Variants in TXNDC16 observed in about 807,000 individuals in gnomAD.
TXNDC16 encodes the protein thioredoxin domain-containing protein 16.
TXNDC16 carries 74 observed loss-of-function variants against 85.6 expected under a neutral mutation model. The observed-to-expected ratio is 0.86, with a 90% confidence interval of 0.72 to 1.05. The LOEUF (loss-of-function observed/expected upper bound fraction) is 1.05. TXNDC16 is among the 50% of genes least tolerant of loss of function. The pLI, the probability that TXNDC16 is intolerant of heterozygous loss-of-function variation, is 0.00. For synonymous variants in TXNDC16, 335 were observed against 326.5 expected (o/e 1.03, Z -0.28); for missense variants, 959 against 947.0 (o/e 1.01, Z -0.17).
chr14:52,544,908 A>T (rs1234698009), intron 1 of TXNDC16, among the ~76,000 whole-genome samples: 2 of 152,142 alleles, frequency 1.3e-5, no homozygotes, highest in Non-Finnish European at 2.9e-5. Context: ...GGTATCATTG[A>T]CATTAAAATT....
intron 18 of TXNDC16, among the ~76,000 whole-genome samples, chr14:52,451,985 T>C (rs2035422904): frequency 6.6e-6 from 1 of 152,124 alleles, no homozygotes; most frequent in African/African-American, 2.4e-5. Flanking sequence ...ACAAATTCAG[T>C]AAAGTTGCAA....
chr14:52,548,671 C>T (rs2037987463), intron 1 of TXNDC16, among the ~76,000 whole-genome samples: 2 of 152,104 alleles, frequency 1.3e-5, no homozygotes, highest in Admixed American at 1.3e-4. Flanking sequence ...CACCTGAGGT[C>T]AGGAGTTCGA....
intron 12 of TXNDC16, among the ~76,000 whole-genome samples, chr14:52,486,284 T>TC (rs1174654836): frequency 1.4e-5 from 2 of 147,020 alleles, no homozygotes; most frequent in East Asian, 3.9e-4. Context: ...CATGCTGCTT[T>TC]TTTTTTTTTT....
Position 52,537,670 on chromosome 14 carries a change from A to T in TXNDC16, c.246T>A (p.Val82=). Residue 82 remains valine, a splice_region_variant and synonymous_variant, in exon 5 of 21, where the codon GTT becomes GTA. Transcript: ENST00000281741. The stretch of plus-strand genomic sequence containing the variant: ...TTGATATTTCTTCTTTGACACAATT[A>T]ACCTTTAAAAGAGTATACTTAAGTT... The part of the protein sequence containing the change: ...LQDYGISVAK[V]NCVKEEISRY... The T allele has an allele frequency of 1.3e-6, 2 of 1,563,076 alleles. No individual in the cohort carries two copies. Among genetic ancestry groups the T allele is most frequent in the Non-Finnish European group, 1.8e-6 (2 of 1,136,846 alleles).
chr14:52,472,614 T>G (rs757749539), intron 14 of TXNDC16, among the ~76,000 whole-genome samples: 6 of 152,206 alleles, frequency 3.9e-5, no homozygotes, highest in Non-Finnish European at 7.3e-5. Context: ...TTTAAATTCT[T>G]ACATTAAAGG....
At chr14:52,440,829 A>C in intron 18 of TXNDC16, 105 bp from the exon 19 acceptor site, 2 of 1,040,574 alleles carry the variant, frequency 1.9e-6, no homozygotes, top group Non-Finnish European at 2.7e-6. Flanking sequence ...TGTAAAATGT[A>C]ATTCAAACAC....
chr14:52,543,711 A>C lies in TXNDC16; in HGVS notation c.-73-81T>G. On this transcript the variant is annotated intron_variant, in intron 2 of 20. Coordinates refer to ENST00000281741, the MANE Select transcript of TXNDC16 (RefSeq NM_020784.3). ...GAATGAAGTAAAATCTACAAAAAGA[A>C]AGTCATTAGTCACATCATTTGATTT... The C allele has an allele frequency of 2.4e-6, 2 of 825,512 alleles. 1 individual carries two copies. The highest frequency in any genetic ancestry group is 4.7e-4 in the Middle Eastern group (2 of 4,240). 51.1% of individuals were successfully genotyped at this position (825,512 alleles called of 1,614,324 possible). A position where few individuals can be genotyped will look rare whatever the true frequency, so the allele number is the denominator to read the frequency against.
At chr14:52,529,336 G>C (rs370251071) in intron 6 of TXNDC16, among the ~76,000 whole-genome samples, 2 of 150,526 alleles carry the variant, frequency 1.3e-5, no homozygotes, top group South Asian at 2.1e-4. Flanking sequence ...GTGGGAGGAG[G>C]GGGGAGGGAT....
chr14:52,435,849 C>A (rs569939411), intron 20 of TXNDC16, among the ~76,000 whole-genome samples: 1 of 151,848 alleles, frequency 6.6e-6, no homozygotes, highest in Admixed American at 6.6e-5. Flanking sequence ...CTTGGTGGTG[C>A]ATGCATGTAG....
Position 52,432,252 on chromosome 14 carries a change from T to G in TXNDC16, c.*52A>C. 6.8e-7 allele frequency: 1 copy of G among 1,474,400 alleles called. No individual in the cohort carries two copies. Among genetic ancestry groups the G allele is most frequent in the African/African-American group, 1.4e-5 (1 of 70,770 alleles). The allele number at this position is 1,474,400 out of a possible 1,614,324, so 91.3% of individuals were successfully genotyped here. A position where few individuals can be genotyped will look rare whatever the true frequency, so the allele number is the denominator to read the frequency against. ...GATTTAATATTATTCTTTAAGGAAA[T>G]AAATTAAGTCTATCATGCCAAAAAA... On this transcript the variant is annotated 3_prime_UTR_variant, in exon 21 of 21. Coordinates refer to ENST00000281741, the MANE Select transcript of TXNDC16 (RefSeq NM_020784.3).
chr14:52,536,430 A>G (rs905197572), intron 6 of TXNDC16, among the ~76,000 whole-genome samples: 1 of 152,202 alleles, frequency 6.6e-6, no homozygotes, highest in Admixed American at 6.5e-5. Flanking sequence ...GCCTGAACAG[A>G]CTAAGATACC....
At chr14:52,432,777 C>T (rs1305505005) in intron 20 of TXNDC16, among the ~76,000 whole-genome samples, 190 bp from the exon 21 acceptor site, 2 of 152,114 alleles carry the variant, frequency 1.3e-5, no homozygotes, top group African/African-American at 2.4e-5. Flanking sequence ...TTTGTCACTA[C>T]TAGCCATTTT....
At chr14:52,501,089 A>G (rs180822830) in intron 9 of TXNDC16, among the ~76,000 whole-genome samples, 15 of 152,274 alleles carry the variant, frequency 9.9e-5, no homozygotes, top group Admixed American at 7.2e-4. Flanking sequence ...AAACAACTCC[A>G]TATCTGGCAG....
intron 16 of TXNDC16, among the ~76,000 whole-genome samples, chr14:52,468,937 G>A (rs184021336): frequency 4.2e-4 from 63 of 151,476 alleles, no homozygotes; most frequent in Non-Finnish European, 7.4e-4. Context: ...GAAGACATAC[G>A]TTATTCTATT....
chr14:52,516,905 T>A (rs2037096099), intron 7 of TXNDC16, among the ~76,000 whole-genome samples: 1 of 152,134 alleles, frequency 6.6e-6, no homozygotes, highest in African/African-American at 2.4e-5. Context: ...ACTCCTGTCA[T>A]AATCCTTGGG....
intron 18 of TXNDC16, among the ~76,000 whole-genome samples, chr14:52,441,308 T>C (rs755841393): frequency 2.6e-5 from 4 of 152,172 alleles, no homozygotes; most frequent in Non-Finnish European, 5.9e-5. Flanking sequence ...TCATTTTTAT[T>C]ACTAATTAAA....
intron 16 of TXNDC16, among the ~76,000 whole-genome samples, chr14:52,462,228 G>A (rs2035668670): frequency 6.6e-6 from 1 of 151,874 alleles, no homozygotes; most frequent in Non-Finnish European, 1.5e-5. Flanking sequence ...TTATATTTTT[G>A]TTTATATTTT....
At chr14:52,529,777 C>T (rs1403316275) in intron 6 of TXNDC16, among the ~76,000 whole-genome samples, 1 of 111,708 alleles carries the variant, frequency 9.0e-6, no homozygotes, top group African/African-American at 3.7e-5. Flanking sequence ...ATATATATAC[C>T]TAGTATATAT....
At chr14:52,449,191 T>C (rs1317071821) in intron 18 of TXNDC16, among the ~76,000 whole-genome samples, 1 of 151,700 alleles carries the variant, frequency 6.6e-6, no homozygotes, top group Non-Finnish European at 1.5e-5. Context: ...CATGATCAGT[T>C]GCCTAAAAGA....
Sources: gnomAD v4.1 joint callset for allele counts (sites outside exome capture counted in the v4.1 genomes callset) on GRCh38, gnomAD v4.1.1 for gene constraint, MANE v1.5 for transcripts, NCBI Gene and HGNC (gene_info 2026-07-23, HGNC 2026-07-21) for gene names.